Variants in AKAP13 observed in about 807,000 individuals in gnomAD.
The protein encoded by AKAP13 is A-kinase anchoring protein 13.
Under a neutral mutation model 264.5 loss-of-function variants are expected in AKAP13, and 80 were observed. That is an observed-to-expected ratio of 0.30 (90% CI 0.25 to 0.36). The LOEUF is 0.36. AKAP13 is among the 10% of genes least tolerant of loss of function. AKAP13 has a pLI of 1.00. For synonymous variants in AKAP13, 1,380 were observed against 1,250.2 expected (o/e 1.10, Z -2.19); for missense variants, 3,712 against 3,435.2 (o/e 1.08, Z -2.01).
intron 10 of AKAP13, among the ~76,000 whole-genome samples, chr15:85,648,482 A>C (rs980067569): frequency 7.9e-5 from 12 of 152,152 alleles, no homozygotes; most frequent in Admixed American, 7.9e-4. Flanking sequence ...CCATTTACAA[A>C]ATTGCTCATA....
chr15:85,498,163 A>C (rs1301002433), intron 2 of AKAP13, among the ~76,000 whole-genome samples: 2 of 146,498 alleles, frequency 1.4e-5, no homozygotes, highest in Non-Finnish European at 3.0e-5. Context: ...CATGTTTTTT[A>C]CAACAATGTG....
intron 33 of AKAP13, among the ~76,000 whole-genome samples, chr15:85,737,011 T>C (rs1234149723): frequency 6.9e-6 from 1 of 145,436 alleles, no homozygotes. Flanking sequence ...CTCCATCTCC[T>C]GGATTCAAGC....
chr15:85,399,822 A>C (rs2071338034), intron 1 of AKAP13, among the ~76,000 whole-genome samples: 2 of 152,210 alleles, frequency 1.3e-5, no homozygotes, highest in Non-Finnish European at 2.9e-5. Context: ...AAAACAGGGA[A>C]GTATTTGAGA....
At chr15:85,588,070 C>G (rs1431794952) in intron 8 of AKAP13, among the ~76,000 whole-genome samples, 1 of 152,074 alleles carries the variant, frequency 6.6e-6, no homozygotes, top group East Asian at 1.9e-4. Context: ...CTCATGCTGC[C>G]CCTTTGAAAG....
intron 1 of AKAP13, among the ~76,000 whole-genome samples, chr15:85,457,789 G>A (rs1392606498): frequency 6.6e-6 from 1 of 152,200 alleles, no homozygotes. Context: ...CACGAAGAGA[G>A]ATTTGAATGT....
chr15:85,663,906 T>G (rs1010476399), intron 12 of AKAP13, among the ~76,000 whole-genome samples: 1 of 152,238 alleles, frequency 6.6e-6, no homozygotes, highest in Non-Finnish European at 1.5e-5. Context: ...TTTCTACTCT[T>G]AGACCAGGTT....
intron 8 of AKAP13, among the ~76,000 whole-genome samples, chr15:85,601,608 T>TTGTGTG (rs10574160): frequency 0.043 from 5,703 of 132,002 alleles, 194 homozygotes; most frequent in East Asian, 0.09. Flanking sequence ...CCTGAATTCT[T>TTGTGTG]TGTGTGTGTG....
chr15:85,586,512 C>G (rs1006084814), intron 8 of AKAP13, among the ~76,000 whole-genome samples: 2 of 152,178 alleles, frequency 1.3e-5, no homozygotes, highest in Non-Finnish European at 2.9e-5. Flanking sequence ...CCTATAAACC[C>G]TTCTTAAACC....
chr15:85,550,470 C>A (rs6496087), intron 5 of AKAP13, among the ~76,000 whole-genome samples: 48,872 of 151,734 alleles, frequency 0.32, 7,889 homozygotes, highest in South Asian at 0.43. Context: ...TTACAAGACA[C>A]TTGCGCTTGA....
intron 18 of AKAP13, chr15:85,710,340 C>A: frequency 2.5e-6 from 1 of 393,282 alleles, no homozygotes; most frequent in Non-Finnish European, 4.6e-6. Context: ...GGGAAGAATG[C>A]CATGCTTCTG....
At chr15:85,386,581 G>A (rs1263856028) in intron 1 of AKAP13, among the ~76,000 whole-genome samples, 2 of 152,134 alleles carry the variant, frequency 1.3e-5, no homozygotes, top group Non-Finnish European at 2.9e-5. Flanking sequence ...GAGCTATTGT[G>A]CCCGGCTCGC....
chr15:85,735,408 A>C lies in AKAP13; in HGVS notation c.7442-152A>C, dbSNP rs1597220302. The C allele has an allele frequency of 4.7e-6, 4 of 846,148 alleles. No individual in the cohort carries two copies. The Admixed American group carries it at 1.2e-4, about 25-fold the overall frequency. 52.4% of individuals were successfully genotyped at this position (846,148 alleles called of 1,614,324 possible). On this transcript the variant is annotated intron_variant, in intron 31 of 36. Transcript: ENST00000394518. ...CTTCTGCATCCGTAAAATTATTAAT[A>C]ATCACTTAGCTGCCACCAAGCAGCT...
chr15:85,580,229 C>T lies in AKAP13; in HGVS notation c.2161C>T (p.Pro721Ser), dbSNP rs1171870839. The T allele has an allele frequency of 5.0e-6, 8 of 1,614,068 alleles. No individual in the cohort carries two copies. In the Admixed American group the frequency reaches 6.7e-5, roughly 13 times the overall value. ...DPQAHTVTSDPVRDTQERADF... is the reference protein window; with the variant it reads ...DPQAHTVTSDSVRDTQERADF... ...ACAGGCTCATACAGTCACCTCTGAC[C>T]CTGTAAGGGATACCCAGGAACGTGC... is the stretch of plus-strand genomic sequence containing the variant. Residue 721 changes from proline to serine, a missense_variant, in exon 7 of 37, where the codon CCT becomes TCT. This residue lies in a region of AKAP13 where 2,759 missense variants were observed against 2,411.7 expected (regional missense o/e 1.14). Transcript: ENST00000394518.
At chr15:85,423,983 AC>A (rs2150906659) in intron 1 of AKAP13, among the ~76,000 whole-genome samples, 1 of 152,216 alleles carries the variant, frequency 6.6e-6, no homozygotes, top group Admixed American at 6.5e-5. Context: ...CACAACAGTG[AC>A]CTTAAAATAT....
intron 2 of AKAP13, among the ~76,000 whole-genome samples, chr15:85,486,347 T>C (rs1427522540): frequency 6.6e-6 from 1 of 152,236 alleles, no homozygotes; most frequent in African/African-American, 2.4e-5. Context: ...CAGAGATTTA[T>C]TCCTATGTTT....
intron 5 of AKAP13, among the ~76,000 whole-genome samples, chr15:85,546,223 A>G (rs988666142): frequency 6.6e-6 from 1 of 152,116 alleles, no homozygotes; most frequent in Non-Finnish European, 1.5e-5. Flanking sequence ...GAGATGATGG[A>G]TATGTTACTT....
chr15:85,550,492 AG>A lies in AKAP13; in HGVS notation c.662+6540del, dbSNP rs552625146. 1.3e-4 allele frequency among the ~76,000 whole-genome samples: 20 copies of A among 152,212 alleles called. 1 individual carries two copies. Among genetic ancestry groups the A allele is most frequent in the Non-Finnish European group, 2.5e-4 (17 of 68,034 alleles). Reference sequence around the variant, plus strand: ...ACACTTGCGCTTGAAACCTAGGTGTAGGGTTAGGTGGTGGAGTGACTACTCA... The same window carrying A: ...ACACTTGCGCTTGAAACCTAGGTGTAGGTTAGGTGGTGGAGTGACTACTCA... On this transcript the variant is annotated intron_variant, in intron 5 of 36. Coordinates refer to ENST00000394518, the MANE Select transcript of AKAP13 (RefSeq NM_007200.5).
intron 9 of AKAP13, among the ~76,000 whole-genome samples, chr15:85,642,521 G>C (rs764595722): frequency 8.5e-5 from 13 of 152,336 alleles, no homozygotes; most frequent in South Asian, 2.1e-4. Flanking sequence ...GATTAGCTCT[G>C]CCTTTAGGGA....
At chr15:85,456,984 G>T (rs1234806075) in intron 1 of AKAP13, among the ~76,000 whole-genome samples, 1 of 152,080 alleles carries the variant, frequency 6.6e-6, no homozygotes, top group Non-Finnish European at 1.5e-5. Context: ...TGTGAGTCAG[G>T]CACCAACTGT....
Sources: gnomAD v4.1 joint callset for allele counts (sites outside exome capture counted in the v4.1 genomes callset) on GRCh38, gnomAD v4.1.1 for gene constraint, gnomAD v4.1.1 regional missense constraint, MANE v1.5 for transcripts, NCBI Gene and HGNC (gene_info 2026-07-23, HGNC 2026-07-21) for gene names.